Variants in WWOX observed in about 807,000 individuals in gnomAD.
The protein encoded by WWOX is WW domain containing oxidoreductase.
WWOX carries 69 observed loss-of-function variants against 46.2 expected under a neutral mutation model. That is an observed-to-expected ratio of 1.49 (90% CI 1.23 to 1.82). WWOX has a LOEUF of 1.82. WWOX is among the 40% of genes most tolerant of loss of function. WWOX has a pLI of 0.00. For missense variants in WWOX, 919 were observed against 542.6 expected, an observed-to-expected ratio of 1.69 and a Z score of -6.89; for synonymous variants, 359 against 202.6, an observed-to-expected ratio of 1.77 and a Z score of -6.56.
chr16:78,407,235 G>A (rs1406106900), intron 6 of WWOX, among the ~76,000 whole-genome samples: 1 of 152,168 alleles, frequency 6.6e-6, no homozygotes, highest in Non-Finnish European at 1.5e-5. Context: ...TTAGAAGACT[G>A]TGGGTCCTTG....
intron 4 of WWOX, among the ~76,000 whole-genome samples, chr16:78,161,377 A>G (rs1004132413): frequency 1.3e-5 from 2 of 150,672 alleles, no homozygotes; most frequent in African/African-American, 4.9e-5. Flanking sequence ...CCTTATTTCT[A>G]TCCTTTCTTT....
chr16:78,548,403 T>G (rs1437710242), intron 8 of WWOX, among the ~76,000 whole-genome samples: 1 of 152,142 alleles, frequency 6.6e-6, no homozygotes, highest in Non-Finnish European at 1.5e-5. Context: ...GAATCCGAAT[T>G]TTCTAAGTGA....
At chr16:78,111,846 C>G (rs2032508391) in intron 3 of WWOX, 1 of 173,798 alleles carries the variant, frequency 5.8e-6, no homozygotes, top group Non-Finnish European at 1.2e-5. Flanking sequence ...CTGACGTATG[C>G]TGCCTTCTCT....
intron 8 of WWOX, among the ~76,000 whole-genome samples, chr16:78,862,761 C>G (rs569935803): frequency 6.6e-6 from 1 of 152,056 alleles, no homozygotes; most frequent in South Asian, 2.1e-4. Flanking sequence ...TTATTTTATT[C>G]AGGCCTTCAA....
At chr16:79,130,709 G>A (rs1034798798) in intron 8 of WWOX, among the ~76,000 whole-genome samples, 4 of 152,224 alleles carry the variant, frequency 2.6e-5, no homozygotes, top group Admixed American at 6.5e-5. Flanking sequence ...GAAGTGCTGC[G>A]GTACTGGCGT....
chr16:79,003,937 G>C (rs1346768374), intron 8 of WWOX, among the ~76,000 whole-genome samples: 1 of 152,132 alleles, frequency 6.6e-6, no homozygotes, highest in Admixed American at 6.5e-5. Flanking sequence ...TCACTGTCCT[G>C]GGGCCTTTGC....
At chr16:78,844,625 C>T (rs968042624) in intron 8 of WWOX, among the ~76,000 whole-genome samples, 2 of 152,060 alleles carry the variant, frequency 1.3e-5, no homozygotes, top group Admixed American at 1.3e-4. Flanking sequence ...GGTTATAAAT[C>T]ATACAGTCAA....
chr16:78,482,565 A>T (rs1200345915), intron 8 of WWOX, among the ~76,000 whole-genome samples: 1 of 152,180 alleles, frequency 6.6e-6, no homozygotes, highest in East Asian at 1.9e-4. Context: ...GTATTTATTG[A>T]ATACTTACTG....
intron 6 of WWOX, among the ~76,000 whole-genome samples, chr16:78,412,275 A>G (rs1047596036): frequency 2.0e-5 from 3 of 152,200 alleles, no homozygotes; most frequent in Non-Finnish European, 4.4e-5. Flanking sequence ...AATAAAGGGT[A>G]TCAGGACGGG....
chr16:78,146,004 A>G (rs1055052050), intron 4 of WWOX: 2 of 152,168 alleles, frequency 1.3e-5, no homozygotes, highest in Non-Finnish European at 2.9e-5. Context: ...CCTTTTCCCT[A>G]TCTGTCTCAA....
Position 78,777,770 on chromosome 16 carries a change from G to C in WWOX, c.1056+345018G>C, listed in dbSNP as rs142697515. 1.1e-3 allele frequency among the ~76,000 whole-genome samples: 169 copies of C among 152,174 alleles called. 3 individuals are homozygous for C. The East Asian group carries it at 0.03, about 27-fold the overall frequency. On this transcript the variant is annotated intron_variant, in intron 8 of 8. Transcript: ENST00000566780. ...TGCATAGAAACTCACATTTCGACTG[G>C]GCCTGGTGGCTCACGCCTGTAATCC... is the stretch of plus-strand genomic sequence containing the variant.
At chr16:78,449,954 G>C (rs1423679924) in intron 8 of WWOX, among the ~76,000 whole-genome samples, 2 of 151,382 alleles carry the variant, frequency 1.3e-5, no homozygotes, top group East Asian at 1.9e-4. Flanking sequence ...TTCAAAGCCT[G>C]TGTAGAATAT....
intron 8 of WWOX, among the ~76,000 whole-genome samples, chr16:78,923,945 G>A (rs1215072363): frequency 6.6e-6 from 1 of 151,722 alleles, no homozygotes; most frequent in Non-Finnish European, 1.5e-5. Context: ...GAGTACAGGT[G>A]CCCGCCACCA....
intron 8 of WWOX, among the ~76,000 whole-genome samples, chr16:78,478,547 C>G (rs59824084): frequency 6.6e-6 from 1 of 151,922 alleles, no homozygotes; most frequent in Admixed American, 6.6e-5. Context: ...ACTCTCCTCT[C>G]TCGAAGCTCC....
At chr16:79,198,815 A>G (rs973548594) in intron 8 of WWOX, among the ~76,000 whole-genome samples, 4 of 152,110 alleles carry the variant, frequency 2.6e-5, no homozygotes, top group East Asian at 3.9e-4. Flanking sequence ...TGAACCAGAA[A>G]CCCTCATAAA....
chr16:79,099,810 G>T (rs1002289450), intron 8 of WWOX, among the ~76,000 whole-genome samples: 2 of 152,128 alleles, frequency 1.3e-5, no homozygotes, highest in Non-Finnish European at 2.9e-5. Flanking sequence ...TAAGGTTGTG[G>T]ATCATTCAGG....
intron 6 of WWOX, among the ~76,000 whole-genome samples, chr16:78,414,611 A>G (rs937397120): frequency 2.8e-4 from 42 of 152,218 alleles, no homozygotes; most frequent in African/African-American, 9.4e-4. Context: ...AGACATCTCA[A>G]AAGCCAATCT....
chr16:79,052,663 A>G (rs1353618635), intron 8 of WWOX, among the ~76,000 whole-genome samples: 1 of 152,246 alleles, frequency 6.6e-6, no homozygotes. Flanking sequence ...AACCGGACAC[A>G]GCAGTAGAGT....
chr16:78,598,852 C>G (rs533139332), intron 8 of WWOX, among the ~76,000 whole-genome samples: 3 of 152,216 alleles, frequency 2.0e-5, no homozygotes, highest in African/African-American at 7.2e-5. Flanking sequence ...AAATAGATAG[C>G]TTTTAGTGAG....
Sources: gnomAD v4.1 joint callset for allele counts (sites outside exome capture counted in the v4.1 genomes callset) on GRCh38, gnomAD v4.1.1 for gene constraint, MANE v1.5 for transcripts, NCBI Gene and HGNC (gene_info 2026-07-23, HGNC 2026-07-21) for gene names.